GSE1: variants seen among roughly 807,000 people sequenced by gnomAD.
GSE1 encodes genetic suppressor element 1.
A neutral mutation model predicts 112.6 loss-of-function variants in GSE1; 32 were observed. That is an observed-to-expected ratio of 0.28 (90% CI 0.21 to 0.38). GSE1 has a LOEUF of 0.38. GSE1 is among the 10% of genes least tolerant of loss of function. The probability of loss-of-function intolerance (pLI) is 1.00; values close to 1 mark genes in which losing one functional copy is unlikely to be tolerated. For synonymous variants in GSE1, 1,115 were observed against 735.6 expected (o/e 1.52, Z -8.35); for missense variants, 2,348 against 1,699.2 (o/e 1.38, Z -6.71).
chr16:85,572,018 G>C (rs55666609), intron 1 of GSE1, among the ~76,000 whole-genome samples: 6,784 of 151,700 alleles, frequency 0.045, 518 homozygotes, highest in African/African-American at 0.16. Context: ...TGCATACGTA[G>C]AACACATAGC....
At chr16:85,392,024 A>C (rs942315832) in intron 2 of GSE1, among the ~76,000 whole-genome samples, 1 of 152,018 alleles carries the variant, frequency 6.6e-6, no homozygotes, top group African/African-American at 2.4e-5. Flanking sequence ...CTCCTCTCCT[A>C]GGGGCCCCAG....
At chr16:85,645,918 A>T (rs1598548786) in intron 2 of GSE1, among the ~76,000 whole-genome samples, 1 of 143,886 alleles carries the variant, frequency 6.9e-6, no homozygotes, top group South Asian at 2.2e-4. Context: ...CTTTCTATGC[A>T]TGCATTCTGC....
chr16:85,653,770 C>G (rs1006543107), intron 3 of GSE1, among the ~76,000 whole-genome samples: 1 of 152,196 alleles, frequency 6.6e-6, no homozygotes, highest in Non-Finnish European at 1.5e-5. Flanking sequence ...TTTGCCCCTG[C>G]CCTCCACGTG....
At chr16:85,364,595 C>T (rs1052004497) in intron 2 of GSE1, among the ~76,000 whole-genome samples, 2 of 152,208 alleles carry the variant, frequency 1.3e-5, no homozygotes, top group African/African-American at 4.8e-5. Context: ...GGATTCTCTT[C>T]AAGCTGTGGT....
chr16:85,263,147 C>G (rs1055798017), intron 1 of GSE1, among the ~76,000 whole-genome samples: 3 of 152,122 alleles, frequency 2.0e-5, no homozygotes, highest in Non-Finnish European at 2.9e-5. Flanking sequence ...TTGGAGAGTG[C>G]GGGAGGGAAG....
rs1318880653 is a variant in GSE1 at position 85,654,908 on chromosome 16, C to T, written c.714C>T (p.Pro238=). ...TDDLRMSSLP[P]LGLDPATAAA... The stretch of plus-strand genomic sequence containing the variant: ...ACCTCCGCATGTCCTCACTGCCTCC[C>T]CTCGGCCTGGACCCGGCCACTGCTG... Residue 238 remains proline, a synonymous_variant, in exon 5 of 16, where the codon CCC becomes CCT. Coordinates refer to ENST00000253458, the MANE Select transcript of GSE1 (RefSeq NM_014615.5). 1 of 1,611,944 alleles carries T rather than the reference C, an allele frequency of 6.2e-7. No individual in the cohort carries two copies. Among genetic ancestry groups the T allele is most frequent in the East Asian group, 2.2e-5 (1 of 44,860 alleles).
At chr16:85,217,622 C>G (rs756058519) in intron 1 of GSE1, among the ~76,000 whole-genome samples, 29 of 152,290 alleles carry the variant, frequency 1.9e-4, no homozygotes, top group South Asian at 1.0e-3. Flanking sequence ...GAGTTAAATG[C>G]GTGAATACAT....
chr16:85,577,421 G>A (rs2046272994), intron 1 of GSE1, among the ~76,000 whole-genome samples: 1 of 152,198 alleles, frequency 6.6e-6, no homozygotes, highest in African/African-American at 2.4e-5. Flanking sequence ...GGTCTGCTGT[G>A]ACAAGGACCC....
chr16:85,303,683 C>T (rs1023280682), intron 1 of GSE1, among the ~76,000 whole-genome samples: 4 of 152,246 alleles, frequency 2.6e-5, no homozygotes, highest in African/African-American at 9.6e-5. Context: ...CACGGCGGTG[C>T]GGGCAGGAGC....
At chr16:85,240,572 G>A (rs1905090808) in intron 1 of GSE1, among the ~76,000 whole-genome samples, 1 of 152,230 alleles carries the variant, frequency 6.6e-6, no homozygotes, top group Non-Finnish European at 1.5e-5. Context: ...AGCCTCACCT[G>A]GAGTGAGGGG....
chr16:85,612,361 C>G (rs150006777), upstream of GSE1, among the ~76,000 whole-genome samples: 471 of 152,040 alleles, frequency 3.1e-3, 4 homozygotes, highest in African/African-American at 0.011. Flanking sequence ...CTGAGTCATT[C>G]CAGTCAAGTG....
chr16:85,612,031 G>C (rs906703835), upstream of GSE1, among the ~76,000 whole-genome samples: 1 of 152,070 alleles, frequency 6.6e-6, no homozygotes, highest in Non-Finnish European at 1.5e-5. Flanking sequence ...GGGGGTGCTG[G>C]TTTGCCCCAG....
intron 2 of GSE1, among the ~76,000 whole-genome samples, chr16:85,477,342 G>A (rs1463357346): frequency 6.6e-6 from 1 of 152,106 alleles, no homozygotes; most frequent in African/African-American, 2.4e-5. Context: ...TTTGTTTAAT[G>A]TACATCCTGA....
Position 85,399,478 on chromosome 16 carries a change from C to T in GSE1, c.2464+41835C>T, listed in dbSNP as rs369006011. Among the ~76,000 whole-genome samples the T allele has an allele frequency of 3.3e-5, 5 of 152,218 alleles. No individual in the cohort carries two copies. The East Asian group carries it at 5.8e-4, about 18-fold the overall frequency. ...TGCCCCACCAGCTTCAGGAAGAGAA[C>T]GTTGCTGATGCGGTTGTACCTTGTC... On this transcript the variant is annotated intron_variant, in intron 2 of 2. Transcript: ENST00000637419.
At chr16:85,486,277 G>A (rs80076117) in intron 2 of GSE1, among the ~76,000 whole-genome samples, 39 of 149,216 alleles carry the variant, frequency 2.6e-4, no homozygotes, top group Non-Finnish European at 4.1e-4. Context: ...ACTCACAGGT[G>A]GACGCTGTCA....
chr16:85,553,346 C>G (rs972626611), upstream of GSE1, among the ~76,000 whole-genome samples: 1 of 151,180 alleles, frequency 6.6e-6, no homozygotes, highest in Non-Finnish European at 1.5e-5. Flanking sequence ...AGAGAGCGCG[C>G]CGCCACGCAG....
At chr16:85,188,662 C>T (rs534907962) in intron 1 of GSE1, among the ~76,000 whole-genome samples, 7 of 151,938 alleles carry the variant, frequency 4.6e-5, no homozygotes, top group East Asian at 3.9e-4. Flanking sequence ...ATTAGCCAGA[C>T]GTGGTGGCAT....
At chr16:85,229,242 C>T (rs994054897) in intron 1 of GSE1, among the ~76,000 whole-genome samples, 12 of 152,244 alleles carry the variant, frequency 7.9e-5, no homozygotes, top group African/African-American at 2.4e-4. Flanking sequence ...GCAGCCATGT[C>T]GGGTTGAGGG....
chr16:85,417,980 A>G (rs1040616130), intron 2 of GSE1, among the ~76,000 whole-genome samples: 3 of 152,188 alleles, frequency 2.0e-5, no homozygotes, highest in African/African-American at 7.2e-5. Flanking sequence ...CTGGGATTAC[A>G]GGGGTCTGCC....
Sources: allele counts gnomAD v4.1 joint callset (sites outside exome capture counted in the v4.1 genomes callset), GRCh38; gene constraint gnomAD v4.1.1; transcripts MANE v1.5; gene names NCBI Gene and HGNC (gene_info 2026-07-23, HGNC 2026-07-21).